SLC14A2: variants seen among roughly 807,000 people sequenced by gnomAD.
The protein encoded by SLC14A2 is solute carrier family 14 member 2.
Under a neutral mutation model 104.6 loss-of-function variants are expected in SLC14A2, and 91 were observed. That is an observed-to-expected ratio of 0.87 (90% CI 0.73 to 1.04). The LOEUF is 1.04. Among genes scored for constraint, SLC14A2 ranks in the 50% least tolerant of loss-of-function variants. SLC14A2 has a pLI of 0.00. For missense variants in SLC14A2, 1,189 were observed against 1,156.0 expected (o/e 1.03, Z -0.41); for synonymous variants, 476 against 466.4 (o/e 1.02, Z -0.27).
chr18:45,427,596 T>C (rs62090731), intron 1 of SLC14A2, among the ~76,000 whole-genome samples: 1 of 152,084 alleles, frequency 6.6e-6, no homozygotes, highest in Non-Finnish European at 1.5e-5. Flanking sequence ...CCCCATTCAC[T>C]GATCAATGTG....
chr18:45,593,265 C>T lies in SLC14A2; in HGVS notation c.-34-31366C>T, dbSNP rs1471242974. Among the ~76,000 whole-genome samples the T allele has an allele frequency of 2.0e-5, 3 of 151,016 alleles. No individual in the cohort carries two copies. In the East Asian group the frequency reaches 6.1e-4, roughly 31 times the overall value. ...CCGGGAGGCGGAGCTTGCAGTGAGC[C>T]GAGATCGCTCCACGGCACCCCAGCC... On this transcript the variant is annotated intron_variant, in intron 2 of 20. Coordinates refer to the SLC14A2 transcript ENST00000586448.
chr18:45,488,195 C>T (rs1034418777), intron 2 of SLC14A2, among the ~76,000 whole-genome samples: 3 of 151,998 alleles, frequency 2.0e-5, no homozygotes, highest in African/African-American at 7.2e-5. Flanking sequence ...AACATGAGAG[C>T]AAGAGCAGGC....
intron 10 of SLC14A2, among the ~76,000 whole-genome samples, chr18:45,652,549 G>T (rs763805648): frequency 1.6e-4 from 25 of 152,194 alleles, no homozygotes; most frequent in Non-Finnish European, 1.5e-5. Context: ...TCCCTTGGAG[G>T]ATCTGACCTT....
chr18:45,625,751 GA>G lies in SLC14A2; in HGVS notation c.222del (p.Asp75ThrfsTer28). ...AAAAGCTCAATGAAAGGAGTAAAAG[GA>G]AAGACGACGGGGTGGCCCATCGGGA... ...IEKLNERSKRKDDGVAHRDSA... is the reference protein window; with the variant it reads ...IEKLNERSKRXDDGVAHRDSA... On this transcript the variant is annotated frameshift_variant, in exon 3 of 20. Transcript: ENST00000255226. LOFTEE classifies it high-confidence loss of function. The G allele has an allele frequency of 6.4e-7, 1 of 1,565,690 alleles. No individual in the cohort carries two copies. The highest frequency in any genetic ancestry group is 2.0e-5 in the Admixed American group (1 of 50,452).
At chr18:45,411,398 A>T (rs1284453798) in intron 1 of SLC14A2, among the ~76,000 whole-genome samples, 1 of 152,180 alleles carries the variant, frequency 6.6e-6, no homozygotes, top group African/African-American at 2.4e-5. Flanking sequence ...TAGAAATAAA[A>T]CTTTATTTTG....
chr18:45,222,726 ACTAT>A (rs1476242018), intron 1 of SLC14A2, among the ~76,000 whole-genome samples: 3 of 152,182 alleles, frequency 2.0e-5, no homozygotes, highest in African/African-American at 7.2e-5. Context: ...ATCACTGCAC[ACTAT>A]CTATTTTAAA....
rs538796469 is a variant in SLC14A2, at chr18:45,607,907, T to A, written c.-34-16724T>A. ...ACTCCATAAGGTTGCTTGTGTGTTG[T>A]CATAACATGGCAGTAGTTTCCCCCA... On this transcript the variant is annotated intron_variant, in intron 2 of 20. Coordinates refer to the SLC14A2 transcript ENST00000586448. 8.0e-4 allele frequency among the ~76,000 whole-genome samples: 122 copies of A among 152,322 alleles called. 1 individual carries two copies. The highest frequency in any genetic ancestry group is 2.8e-3 in the African/African-American group (118 of 41,572).
At chr18:45,336,064 C>T (rs941828799) in intron 1 of SLC14A2, among the ~76,000 whole-genome samples, 5 of 152,068 alleles carry the variant, frequency 3.3e-5, no homozygotes, top group South Asian at 2.1e-4. Flanking sequence ...GGTTTTTTAA[C>T]GTGGCTGTTT....
At chr18:45,326,439 A>T (rs1168706553) in intron 1 of SLC14A2, among the ~76,000 whole-genome samples, 51 of 152,160 alleles carry the variant, frequency 3.4e-4, no homozygotes, top group Non-Finnish European at 1.8e-4. Flanking sequence ...ATGTATAGGA[A>T]AGCTACTGAT....
intron 1 of SLC14A2, among the ~76,000 whole-genome samples, chr18:45,328,639 A>G (rs1248291048): frequency 6.6e-6 from 1 of 152,112 alleles, no homozygotes; most frequent in African/African-American, 2.4e-5. Context: ...TTCCCAGAAA[A>G]TCTTCCTTCT....
At chr18:45,530,990 G>C (rs1305697943) in intron 2 of SLC14A2, among the ~76,000 whole-genome samples, 34 of 146,794 alleles carry the variant, frequency 2.3e-4, no homozygotes, top group South Asian at 6.7e-4. Flanking sequence ...GAGAATGATG[G>C]TTTCTAGCTT....
intron 2 of SLC14A2, among the ~76,000 whole-genome samples, chr18:45,515,105 A>G (rs757895351): frequency 4.6e-5 from 7 of 152,210 alleles, no homozygotes; most frequent in Non-Finnish European, 1.0e-4. Flanking sequence ...CATGTTAAAG[A>G]GGCCTGCAGT....
At chr18:45,677,033 C>T (rs2046238857) in intron 18 of SLC14A2, among the ~76,000 whole-genome samples, 1 of 152,148 alleles carries the variant, frequency 6.6e-6, no homozygotes, top group Admixed American at 6.5e-5. Context: ...TGCAAAGGTT[C>T]CTTCCACCAC....
intron 1 of SLC14A2, among the ~76,000 whole-genome samples, chr18:45,480,661 C>G (rs2087474810): frequency 6.6e-6 from 1 of 152,198 alleles, no homozygotes; most frequent in Non-Finnish European, 1.5e-5. Context: ...CCCTTACATG[C>G]CTGAAAACTC....
At position 45,224,233 on chromosome 18, in the gene SLC14A2, G is replaced by T. The variant is rs528588023; in HGVS notation, c.-125+11042G>T. ...AAAGCCTCTTGGCTGCCCAGCCGTAGGCTGCTGGGAGGCAGAGAGATGCGA... is the reference window on the plus strand; with the variant it reads ...AAAGCCTCTTGGCTGCCCAGCCGTATGCTGCTGGGAGGCAGAGAGATGCGA... On this transcript the variant is annotated intron_variant, in intron 1 of 20. Coordinates refer to the SLC14A2 transcript ENST00000586448. 1.1e-4 allele frequency among the ~76,000 whole-genome samples: 16 copies of T among 152,330 alleles called. No homozygotes were observed. In the East Asian group the frequency reaches 2.5e-3, roughly 24 times the overall value.
At chr18:45,628,508 T>C (rs1331482381) in intron 4 of SLC14A2, among the ~76,000 whole-genome samples, 1 of 151,494 alleles carries the variant, frequency 6.6e-6, no homozygotes, top group Non-Finnish European at 1.5e-5. Context: ...CTTCCTCTCA[T>C]AGCTATGAAA....
At chr18:45,184,607 T>A in the SLC14A2 span, among the ~76,000 whole-genome samples, 6 of 152,338 alleles carry the variant, frequency 3.9e-5, no homozygotes, top group East Asian at 3.9e-4. Context: ...AGGTAACTAC[T>A]GACTTACTTA....
At chr18:45,560,396 A>G (rs1216788257) in intron 2 of SLC14A2, among the ~76,000 whole-genome samples, 1 of 152,062 alleles carries the variant, frequency 6.6e-6, no homozygotes, top group East Asian at 1.9e-4. Flanking sequence ...GGACTTTCCC[A>G]CTGCCACCTC....
At chr18:45,210,856 T>C (rs530190954), upstream of SLC14A2, among the ~76,000 whole-genome samples, 20 of 152,346 alleles carry the variant, frequency 1.3e-4, no homozygotes, top group African/African-American at 4.6e-4. Flanking sequence ...TGTTGTGCAT[T>C]CTGTGATTCA....
Sources: gnomAD v4.1 joint callset for allele counts (sites outside exome capture counted in the v4.1 genomes callset) on GRCh38, gnomAD v4.1.1 for gene constraint, MANE v1.5 for transcripts, NCBI Gene and HGNC (gene_info 2026-07-23, HGNC 2026-07-21) for gene names.